The following ITFG1 variants were observed in gnomAD, a reference collection of about 807,000 sequenced individuals.
ITFG1 encodes integrin alpha FG-GAP repeat containing 1.
ITFG1 carries 34 observed loss-of-function variants against 81.8 expected under a neutral mutation model. The ratio of observed to expected loss-of-function variants is 0.42; its 90% CI spans 0.32 to 0.55. ITFG1 has a LOEUF of 0.55. ITFG1 is among the 20% of genes least tolerant of loss of function. ITFG1 has a pLI of 0.17. For synonymous variants in ITFG1, 285 were observed against 270.6 expected, an observed-to-expected ratio of 1.05 and a Z score of -0.52; for missense variants, 672 against 755.4, an observed-to-expected ratio of 0.89 and a Z score of 1.29.
intron 7 of ITFG1, among the ~76,000 whole-genome samples, chr16:47,374,949 T>C (rs1397411175): frequency 1.3e-5 from 2 of 152,170 alleles, no homozygotes; most frequent in Non-Finnish European, 2.9e-5. Flanking sequence ...TCCATAAGTT[T>C]GTGCTTTACA....
intron 8 of ITFG1, among the ~76,000 whole-genome samples, chr16:47,348,945 A>G (rs1377149438): frequency 2.6e-5 from 4 of 152,228 alleles, no homozygotes; most frequent in Admixed American, 2.6e-4. Flanking sequence ...CCAGAATTTC[A>G]TATCCAGCCA....
At chr16:47,447,331 A>T (rs1378484290) in intron 5 of ITFG1, among the ~76,000 whole-genome samples, 1 of 152,216 alleles carries the variant, frequency 6.6e-6, no homozygotes, top group East Asian at 1.9e-4. Flanking sequence ...TCTCAAAAGA[A>T]GATGATCTTT....
chr16:47,311,049 A>G (rs1322379525), intron 10 of ITFG1, among the ~76,000 whole-genome samples, 191 bp downstream of exon 10: 2 of 143,934 alleles, frequency 1.4e-5, no homozygotes, highest in African/African-American at 5.0e-5. Context: ...TGAATCTGTG[A>G]AAAAAAAAAA....
At chr16:47,435,012 C>A (rs895193796) in intron 5 of ITFG1, among the ~76,000 whole-genome samples, 1 of 152,050 alleles carries the variant, frequency 6.6e-6, no homozygotes, top group African/African-American at 2.4e-5. Flanking sequence ...GGGAACAGCA[C>A]AAACTGGGGC....
At chr16:47,420,794 A>G (rs892612120) in intron 6 of ITFG1, among the ~76,000 whole-genome samples, 3 of 152,140 alleles carry the variant, frequency 2.0e-5, no homozygotes, top group Non-Finnish European at 2.9e-5. Context: ...CTTGTAAAGC[A>G]TGAAGATTTG....
At chr16:47,403,350 T>C (rs1968686790) in intron 6 of ITFG1, among the ~76,000 whole-genome samples, 1 of 151,850 alleles carries the variant, frequency 6.6e-6, no homozygotes, top group African/African-American at 2.4e-5. Context: ...AATTGGCCCA[T>C]ATGGGCCAAT....
intron 8 of ITFG1, 27 bp downstream of exon 8, chr16:47,365,761 T>A: frequency 2.0e-6 from 1 of 508,282 alleles, no homozygotes; most frequent in Non-Finnish European, 2.8e-6. Context: ...GCAAAAGCCT[T>A]TTTTTTTTTT....
intron 10 of ITFG1, among the ~76,000 whole-genome samples, chr16:47,263,756 C>T (rs1406911331): frequency 6.6e-6 from 1 of 151,748 alleles, no homozygotes; most frequent in Admixed American, 6.6e-5. Flanking sequence ...TAAATAAATA[C>T]ATACATACAT....
At chr16:47,428,722 A>G in intron 6 of ITFG1, 82 bp downstream of exon 6, 1 of 825,650 alleles carries the variant, frequency 1.2e-6, no homozygotes, top group South Asian at 1.5e-5. Context: ...CTTCATTAGC[A>G]ATTAAATACA....
rs117597703 is a variant in ITFG1 at position 47,400,547 on chromosome 16, G to A, written c.656-24607C>T. Among the ~76,000 whole-genome samples, 19 of 152,190 alleles carry A rather than the reference G, an allele frequency of 1.2e-4. No homozygotes were observed. The East Asian group carries it at 3.7e-3, about 29-fold the overall frequency. On this transcript the variant is annotated intron_variant, in intron 6 of 17. Transcript: ENST00000320640. ...GCAAAACCAGTTAACAGGGAAGACA[G>A]AGTCACCTTCCCCAAGAGCTGACAT...
At chr16:47,365,151 C>T (rs573648448) in intron 8 of ITFG1, among the ~76,000 whole-genome samples, 15 of 152,200 alleles carry the variant, frequency 9.9e-5, no homozygotes, top group African/African-American at 1.9e-4. Flanking sequence ...GGAAAGCCTA[C>T]GGTGGTTTAT....
At chr16:47,346,293 T>C (rs777528890) in intron 8 of ITFG1, among the ~76,000 whole-genome samples, 2 of 152,210 alleles carry the variant, frequency 1.3e-5, no homozygotes, top group Non-Finnish European at 2.9e-5. Flanking sequence ...CTTGGAAAAC[T>C]ATATAAATAC....
intron 10 of ITFG1, among the ~76,000 whole-genome samples, chr16:47,304,649 A>C (rs1360913981): frequency 6.6e-6 from 1 of 152,212 alleles, no homozygotes; most frequent in African/African-American, 2.4e-5. Context: ...ATATATAACA[A>C]GACAGGCCTG....
intron 7 of ITFG1, among the ~76,000 whole-genome samples, chr16:47,373,757 T>C (rs1242859803): frequency 6.6e-6 from 1 of 152,194 alleles, no homozygotes; most frequent in Non-Finnish European, 1.5e-5. Context: ...GCCAGAGCAC[T>C]ACCATGGGGC....
At chr16:47,343,204 T>G (rs1967807673) in intron 8 of ITFG1, among the ~76,000 whole-genome samples, 1 of 152,140 alleles carries the variant, frequency 6.6e-6, no homozygotes, top group Non-Finnish European at 1.5e-5. Context: ...TATGGCCACC[T>G]GACAAGGGTA....
chr16:47,451,572 C>T, intron 4 of ITFG1, 102 bp from the exon 5 acceptor site: 2 of 635,096 alleles, frequency 3.1e-6, no homozygotes, highest in East Asian at 2.8e-5. Flanking sequence ...GTAGACATTA[C>T]AATGCTCGCC....
At chr16:47,286,659 T>G (rs1342221869) in intron 10 of ITFG1, among the ~76,000 whole-genome samples, 1 of 151,650 alleles carries the variant, frequency 6.6e-6, no homozygotes, top group Admixed American at 6.6e-5. Context: ...AAAAAGATAA[T>G]TGCCAGAGAG....
intron 13 of ITFG1, among the ~76,000 whole-genome samples, chr16:47,234,995 G>T (rs538106718): frequency 2.6e-5 from 4 of 152,282 alleles, no homozygotes; most frequent in African/African-American, 9.6e-5. Context: ...CACCATGATT[G>T]TAAGTTTCCT....
chr16:47,400,220 C>A (rs1178380344), intron 6 of ITFG1, among the ~76,000 whole-genome samples: 2 of 152,210 alleles, frequency 1.3e-5, no homozygotes, highest in Admixed American at 6.5e-5. Flanking sequence ...TTCCTTCACT[C>A]ATTCAAATAT....
Sources: allele counts gnomAD v4.1 joint callset (sites outside exome capture counted in the v4.1 genomes callset), GRCh38; gene constraint gnomAD v4.1.1; transcripts MANE v1.5; gene names NCBI Gene and HGNC (gene_info 2026-07-23, HGNC 2026-07-21).